Variants in XKR9 observed in about 807,000 individuals in gnomAD.
XKR9 encodes XK-related protein 9.
A neutral mutation model predicts 32.0 loss-of-function variants in XKR9; 32 were observed. The observed-to-expected ratio is 1.00, with a 90% CI of 0.76 to 1.34. The LOEUF (loss-of-function observed/expected upper bound fraction) is 1.34, where lower values mean the gene tolerates loss of function less well. Among genes scored for constraint, XKR9 ranks in the 40% most tolerant of loss-of-function variants. The pLI is 0.00. For missense variants in XKR9, 546 were observed against 429.7 expected (o/e 1.27, Z -2.39); for synonymous variants, 168 against 143.4 (o/e 1.17, Z -1.22).
At chr8:70,948,105 C>G in the XKR9 span, among the ~76,000 whole-genome samples, 19 of 152,198 alleles carry the variant, frequency 1.2e-4, 1 homozygote, top group East Asian at 3.3e-3. Context: ...CTGCCCACCC[C>G]CACCCTGCCC....
At chr8:70,772,396 G>T (rs1807465521) in intron 2 of XKR9, among the ~76,000 whole-genome samples, 1 of 152,148 alleles carries the variant, frequency 6.6e-6, no homozygotes, top group Admixed American at 6.5e-5. Context: ...CTAAAGATTT[G>T]AATTTCCATT....
At position 70,674,501 on chromosome 8, in the gene XKR9, T is replaced by A. The variant is rs115752464; in HGVS notation, c.-360-317T>A. On this transcript the variant is annotated intron_variant, in intron 1 of 4. Coordinates refer to ENST00000408926, the MANE Select transcript of XKR9 (RefSeq NM_001011720.2). ...GTAGGGCTGAGTTTATGATACTTTGTTAGAGTACTTCAAATTTAAGAACCT... is the reference window on the plus strand; with the variant it reads ...GTAGGGCTGAGTTTATGATACTTTGATAGAGTACTTCAAATTTAAGAACCT... 6.1e-3 allele frequency among the ~76,000 whole-genome samples: 924 copies of A among 152,332 alleles called. 10 individuals carry two copies. The highest frequency in any genetic ancestry group is 0.021 in the African/African-American group (881 of 41,578).
the XKR9 span, among the ~76,000 whole-genome samples, chr8:70,810,119 G>C: frequency 6.6e-6 from 1 of 152,212 alleles, no homozygotes; most frequent in African/African-American, 2.4e-5. Context: ...AGCCAGAAGA[G>C]AGTGGGGGCC....
chr8:70,843,029 G>T, the XKR9 span, among the ~76,000 whole-genome samples: 2 of 152,102 alleles, frequency 1.3e-5, no homozygotes, highest in African/African-American at 2.4e-5. Flanking sequence ...TAATTAAGTC[G>T]GGATGCACGC....
At chr8:70,932,220 GTA>G in the XKR9 span, among the ~76,000 whole-genome samples, 2 of 151,900 alleles carry the variant, frequency 1.3e-5, no homozygotes, top group Admixed American at 1.3e-4. Flanking sequence ...GAATGTGGTA[GTA>G]TAATATGAAT....
At chr8:70,771,133 A>G (rs1460711360) in intron 2 of XKR9, among the ~76,000 whole-genome samples, 1 of 152,108 alleles carries the variant, frequency 6.6e-6, no homozygotes, top group African/African-American at 2.4e-5. Context: ...CCCTCATGGC[A>G]TAGTCCCTCA....
chr8:70,856,238 A>G, the XKR9 span, among the ~76,000 whole-genome samples: 1 of 152,214 alleles, frequency 6.6e-6, no homozygotes, highest in Non-Finnish European at 1.5e-5. Flanking sequence ...AAACCATCTC[A>G]CATGCAGAGA....
the XKR9 span, among the ~76,000 whole-genome samples, chr8:70,857,792 G>GAT: frequency 5.2e-4 from 79 of 152,274 alleles, no homozygotes; most frequent in Non-Finnish European, 9.3e-4. Context: ...TCATCCCTAG[G>GAT]ATGCAAGGCT....
the XKR9 span, among the ~76,000 whole-genome samples, chr8:70,861,196 G>T: frequency 6.6e-6 from 1 of 152,116 alleles, no homozygotes; most frequent in African/African-American, 2.4e-5. Flanking sequence ...ACTCTTCACA[G>T]AGTTTTTTAA....
intron 3 of XKR9, among the ~76,000 whole-genome samples, chr8:70,688,377 A>G (rs1000873110): frequency 6.6e-6 from 1 of 152,146 alleles, no homozygotes; most frequent in African/African-American, 2.4e-5. Context: ...CACAAGGGCG[A>G]TAAACGAGTT....
chr8:70,757,989 C>A (rs1297244648), intron 2 of XKR9, among the ~76,000 whole-genome samples: 1 of 152,148 alleles, frequency 6.6e-6, no homozygotes, highest in Non-Finnish European at 1.5e-5. Context: ...CTCCCACTTG[C>A]CAGAGAATGT....
the XKR9 span, among the ~76,000 whole-genome samples, chr8:70,862,279 T>G: frequency 6.6e-6 from 1 of 152,166 alleles, no homozygotes; most frequent in Non-Finnish European, 1.5e-5. Flanking sequence ...CAGTCCATTT[T>G]GTGTGTGGCA....
intron 2 of XKR9, among the ~76,000 whole-genome samples, chr8:70,788,359 A>T (rs1042490918): frequency 5.3e-5 from 8 of 152,120 alleles, no homozygotes; most frequent in Non-Finnish European, 1.0e-4. Flanking sequence ...GATGTTTTAC[A>T]ACATCGTGGA....
intron 2 of XKR9, among the ~76,000 whole-genome samples, chr8:70,778,347 T>C (rs538852036): frequency 2.2e-4 from 34 of 152,348 alleles, no homozygotes; most frequent in Admixed American, 8.5e-4. Flanking sequence ...TTGGTTACTG[T>C]AACCTTGTAT....
chr8:70,797,867 G>T, the XKR9 span, among the ~76,000 whole-genome samples: 1 of 152,136 alleles, frequency 6.6e-6, no homozygotes, highest in Non-Finnish European at 1.5e-5. Flanking sequence ...ATCCATGTTG[G>T]TTCAAAGGAT....
the XKR9 span, among the ~76,000 whole-genome samples, chr8:71,040,584 C>T: frequency 6.6e-6 from 1 of 151,894 alleles, no homozygotes; most frequent in Non-Finnish European, 1.5e-5. Context: ...TGGTTGAATC[C>T]CACTAGTCTT....
At chr8:71,010,030 G>T in the XKR9 span, among the ~76,000 whole-genome samples, 1 of 152,168 alleles carries the variant, frequency 6.6e-6, no homozygotes, top group Non-Finnish European at 1.5e-5. Flanking sequence ...GGCTTCAACC[G>T]ACCCTGATCT....
chr8:70,771,288 G>A (rs1807450391), intron 2 of XKR9, among the ~76,000 whole-genome samples: 1 of 152,146 alleles, frequency 6.6e-6, no homozygotes, highest in Non-Finnish European at 1.5e-5. Context: ...TACCTCAGTT[G>A]GAAATGCAGA....
the XKR9 span, among the ~76,000 whole-genome samples, chr8:71,026,113 T>C: frequency 3.3e-5 from 5 of 152,204 alleles, no homozygotes; most frequent in African/African-American, 4.8e-5. Flanking sequence ...TCCTGGCTTC[T>C]CTTCTAAGCA....
Sources: allele counts gnomAD v4.1 joint callset (sites outside exome capture counted in the v4.1 genomes callset), GRCh38; gene constraint gnomAD v4.1.1; transcripts MANE v1.5; gene names NCBI Gene and HGNC (gene_info 2026-07-23, HGNC 2026-07-21).